Variants in EYS observed in about 807,000 individuals in gnomAD.
EYS encodes the protein protein eyes shut homolog.
A neutral mutation model predicts 282.1 loss-of-function variants in EYS; 250 were observed. The observed-to-expected ratio is 0.89, with a 90% confidence interval of 0.80 to 0.98. The LOEUF (loss-of-function observed/expected upper bound fraction) is 0.98, where lower values mean the gene tolerates loss of function less well. EYS is among the 50% of genes least tolerant of loss of function. EYS has a pLI of 0.00. For missense variants in EYS, 4,016 were observed against 3,709.0 expected (o/e 1.08, Z -2.15); for synonymous variants, 1,355 against 1,282.9 (o/e 1.06, Z -1.20).
intron 5 of EYS, among the ~76,000 whole-genome samples, chr6:65,441,442 G>C (rs781294600): frequency 3.3e-5 from 5 of 151,834 alleles, no homozygotes; most frequent in Non-Finnish European, 5.9e-5. Context: ...TGAAAGAATT[G>C]TATTTTAGAA....
chr6:64,064,041 G>GT (rs1771277346), intron 33 of EYS, among the ~76,000 whole-genome samples: 1 of 152,072 alleles, frequency 6.6e-6, no homozygotes, highest in Non-Finnish European at 1.5e-5. Context: ...CTTTGCCTGT[G>GT]TTTTCTTTTA....
intron 30 of EYS, among the ~76,000 whole-genome samples, chr6:64,265,254 T>G (rs1387298619): frequency 6.6e-6 from 1 of 152,144 alleles, no homozygotes; most frequent in African/African-American, 2.4e-5. Flanking sequence ...TTTCTTTCCA[T>G]TGTATTGATA....
At chr6:64,010,237 C>T (rs1362217498) in intron 33 of EYS, among the ~76,000 whole-genome samples, 2 of 152,226 alleles carry the variant, frequency 1.3e-5, no homozygotes, top group Non-Finnish European at 2.9e-5. Flanking sequence ...GTTGCACATG[C>T]CTGCACCGTG....
At chr6:65,184,542 C>T (rs546764508) in intron 12 of EYS, among the ~76,000 whole-genome samples, 6 of 149,710 alleles carry the variant, frequency 4.0e-5, no homozygotes, top group South Asian at 2.2e-4. Context: ...AGCAACAAAC[C>T]GAGAACAAAT....
intron 12 of EYS, among the ~76,000 whole-genome samples, chr6:65,136,984 T>C (rs1002307765): frequency 5.3e-5 from 8 of 152,054 alleles, no homozygotes; most frequent in Admixed American, 3.3e-4. Flanking sequence ...ACCCAGCCAA[T>C]TTATTTCTTT....
At chr6:63,828,709 C>T (rs1223930873) in intron 36 of EYS, among the ~76,000 whole-genome samples, 2 of 152,156 alleles carry the variant, frequency 1.3e-5, no homozygotes. Context: ...TGAAAAAATG[C>T]TCAACATTAC....
chr6:64,575,400 A>G (rs1393909035), intron 26 of EYS, among the ~76,000 whole-genome samples: 4 of 152,174 alleles, frequency 2.6e-5, no homozygotes, highest in Admixed American at 1.3e-4. Flanking sequence ...AGGAGGGGTT[A>G]GATATTGCAT....
At chr6:64,997,822 G>T (rs908784418) in intron 13 of EYS, 119 bp from the exon 14 acceptor site, 4 of 809,908 alleles carry the variant, frequency 4.9e-6, no homozygotes, top group Non-Finnish European at 3.6e-6. Context: ...AATAAAGTAA[G>T]AATTATTATA....
intron 5 of EYS, among the ~76,000 whole-genome samples, chr6:65,421,280 T>C (rs191124979): frequency 6.6e-6 from 1 of 151,980 alleles, no homozygotes. Context: ...CATTGCACTA[T>C]TATGTTATGG....
In EYS at chr6:64,591,195, T is replaced by C; in HGVS notation, c.4672A>G (p.Thr1558Ala). The C allele has an allele frequency of 6.4e-7, 1 of 1,551,398 alleles. No homozygotes were observed. Among genetic ancestry groups the C allele is most frequent in the Non-Finnish European group, 8.7e-7 (1 of 1,146,818 alleles). The change falls in exon 26 of 43, where the codon ACA becomes GCA. Residue 1558 changes from threonine to alanine, a missense_variant. Transcript: ENST00000503581. Reference sequence around the variant, plus strand: ...GATTTTATTTCAGTCATAGAACATGTTGCACATGTTTGGCTTAATTCTCTT... The same window carrying C: ...GATTTTATTTCAGTCATAGAACATGCTGCACATGTTTGGCTTAATTCTCTT... ...SLRELSQTCA[T>A]CSMTEIKSSR... is the part of the protein sequence containing the mutation.
At chr6:64,837,205 T>A (rs962814076) in intron 19 of EYS, among the ~76,000 whole-genome samples, 2 of 101,060 alleles carry the variant, frequency 2.0e-5, no homozygotes, top group Non-Finnish European at 4.8e-5. Context: ...CTTGTACATG[T>A]ATTGTTTTTA....
intron 12 of EYS, among the ~76,000 whole-genome samples, chr6:65,124,204 T>TAA (rs1232614367): frequency 4.9e-4 from 73 of 149,282 alleles, no homozygotes; most frequent in African/African-American, 1.7e-3. Context: ...TAAATAAATG[T>TAA]AAAAAAAAAC....
intron 36 of EYS, among the ~76,000 whole-genome samples, chr6:63,836,343 A>T (rs1214387677): frequency 6.6e-6 from 1 of 152,052 alleles, no homozygotes; most frequent in Non-Finnish European, 1.5e-5. Flanking sequence ...TACCAAAAAA[A>T]TTTGGTAAAA....
At chr6:64,420,369 G>T (rs1327083470) in intron 28 of EYS, among the ~76,000 whole-genome samples, 1 of 152,104 alleles carries the variant, frequency 6.6e-6, no homozygotes, top group East Asian at 1.9e-4. Flanking sequence ...TGCTGTGAAG[G>T]TCTCTGACAT....
intron 22 of EYS, among the ~76,000 whole-genome samples, chr6:64,670,445 A>AT (rs1292978848): frequency 3.1e-4 from 41 of 133,242 alleles, no homozygotes; most frequent in Admixed American, 3.0e-3. Flanking sequence ...AAATAAATAA[A>AT]TGAAAAAAAA....
chr6:65,519,547 A>G (rs1005778424), intron 2 of EYS, among the ~76,000 whole-genome samples: 3 of 149,240 alleles, frequency 2.0e-5, no homozygotes, highest in African/African-American at 7.4e-5. Flanking sequence ...AGAATACTAA[A>G]TTAATAATTG....
chr6:64,310,521 C>T (rs1221627210), intron 29 of EYS, among the ~76,000 whole-genome samples: 1 of 151,966 alleles, frequency 6.6e-6, no homozygotes, highest in Admixed American at 6.6e-5. Context: ...GAAGTGGAAG[C>T]TAAAGGATGA....
intron 2 of EYS, among the ~76,000 whole-genome samples, chr6:65,506,828 A>C (rs1023016776): frequency 6.6e-6 from 1 of 152,070 alleles, no homozygotes; most frequent in African/African-American, 2.4e-5. Context: ...ATTCTGCTTC[A>C]TGTGTAGCAC....
intron 12 of EYS, among the ~76,000 whole-genome samples, chr6:65,147,406 C>T (rs191785238): frequency 1.1e-4 from 17 of 151,980 alleles, no homozygotes; most frequent in African/African-American, 2.7e-4. Context: ...TTAGAATTTT[C>T]GATGAAAATG....
Sources: allele counts gnomAD v4.1 joint callset (sites outside exome capture counted in the v4.1 genomes callset), GRCh38; gene constraint gnomAD v4.1.1; transcripts MANE v1.5; gene names NCBI Gene and HGNC (gene_info 2026-07-23, HGNC 2026-07-21).